The following LIPK variants were observed in gnomAD, a reference collection of about 807,000 sequenced individuals.
LIPK encodes lipase member K.
A neutral mutation model predicts 48.6 loss-of-function variants in LIPK; 32 were observed. The observed-to-expected ratio is 0.66, with a 90% CI of 0.50 to 0.88. LIPK has a LOEUF of 0.88. LIPK is among the 40% of genes least tolerant of loss of function. The pLI is 0.00. For missense variants in LIPK, 507 were observed against 478.5 expected (o/e 1.06, Z -0.56); for synonymous variants, 164 against 157.4 (o/e 1.04, Z -0.32).
intron 1 of LIPK, among the ~76,000 whole-genome samples, chr10:88,709,108 G>T (rs1338230766): frequency 6.6e-6 from 1 of 152,000 alleles, no homozygotes; most frequent in African/African-American, 2.4e-5. Flanking sequence ...TTTAAATTCT[G>T]CATCCATTGA....
At chr10:88,728,358 T>C (rs416957) in intron 3 of LIPK, 146,683 of 192,720 alleles carry the variant, frequency 0.76, 56,953 homozygotes, top group East Asian at 1. Flanking sequence ...GAGTATGAGG[T>C]GCTGCAGGCC....
At chr10:88,713,707 G>A (rs886362147) in intron 1 of LIPK, among the ~76,000 whole-genome samples, 5 of 152,056 alleles carry the variant, frequency 3.3e-5, no homozygotes, top group African/African-American at 7.2e-5. Flanking sequence ...TTGGGAGGCC[G>A]AGGTGGGCGG....
chr10:88,747,769 G>A (rs1842790619), intron 9 of LIPK, among the ~76,000 whole-genome samples: 1 of 152,166 alleles, frequency 6.6e-6, no homozygotes, highest in Admixed American at 6.5e-5. Flanking sequence ...AGATGCTGGC[G>A]AGGCTGTGGA....
chr10:88,726,823 C>A lies in LIPK; in HGVS notation c.134C>A (p.Pro45His). 6.3e-7 allele frequency: 1 copy of A among 1,599,134 alleles called. No homozygotes were observed. Among genetic ancestry groups the A allele is most frequent in the Non-Finnish European group, 8.6e-7 (1 of 1,167,886 alleles). The change falls in exon 3 of 10, where the codon CCT (proline) becomes CAT (histidine). Residue 45 changes from proline to histidine, a missense_variant. Pro to His is a moderately conservative substitution (Grantham distance 77). Transcript: ENST00000404190. ...CAGATTATTTCTTACTGGGGTTATC[C>A]TTATGAAGAGTATGATGTTACAACA... ...ISQIISYWGY[P>H]YEEYDVTTKD...
rs1375816751 is a variant in LIPK at position 88,740,012 on chromosome 10, A to G, written c.833A>G (p.Tyr278Cys). ...QNLNMSRLDV[Y>C]LSHNPAGTSV... ...TCTTTGCAGAGTCGCTTGGATGTTT[A>G]TTTGTCACACAATCCTGCGGGAACA... The change falls in exon 8 of 10, where the codon TAT (tyrosine) becomes TGT (cysteine). Residue 278 changes from tyrosine to cysteine, a missense_variant. By Grantham distance (194) the Tyr-to-Cys change is radical. Transcript: ENST00000404190. 1 of 1,562,296 alleles carries G rather than the reference A, an allele frequency of 6.4e-7. No individual in the cohort carries two copies. The highest frequency in any genetic ancestry group is 1.4e-5 in the African/African-American group (1 of 73,344).
intron 9 of LIPK, among the ~76,000 whole-genome samples, chr10:88,746,589 T>C (rs1475188911): frequency 6.6e-6 from 1 of 152,192 alleles, no homozygotes; most frequent in South Asian, 2.1e-4. Flanking sequence ...AGATACAATA[T>C]ACCAGAATCT....
At position 88,745,633 on chromosome 10, in the gene LIPK, C is replaced by G. The variant is rs77467342; in HGVS notation, c.960+2312C>G. ...CTTCCAAGAGGTCCTTAATGGAATG[C>G]TAAACATGGAAATAAAGACTGGTAC... On this transcript the variant is annotated intron_variant, in intron 9 of 9. Coordinates refer to ENST00000404190, the MANE Select transcript of LIPK (RefSeq NM_001080518.2). Among the ~76,000 whole-genome samples, 762 of 152,194 alleles carry G rather than the reference C, an allele frequency of 5.0e-3. 30 individuals are homozygous for G. The South Asian group carries it at 0.099, about 20-fold the overall frequency.
intron 1 of LIPK, among the ~76,000 whole-genome samples, chr10:88,715,869 C>T (rs930889684): frequency 2.6e-5 from 4 of 151,694 alleles, no homozygotes; most frequent in African/African-American, 7.3e-5. Context: ...AGCATTCTGT[C>T]ATGATTCCTC....
At chr10:88,739,948 G>A in intron 7 of LIPK, 48 bp from the exon 8 acceptor site, 2 of 1,125,568 alleles carry the variant, frequency 1.8e-6, no homozygotes, top group African/African-American at 1.5e-5. Flanking sequence ...GTTTACTTGT[G>A]GTATGATGAT....
rs1182174095 is a variant in LIPK, at chr10:88,745,203, A to G, written c.960+1882A>G. 3.9e-5 allele frequency among the ~76,000 whole-genome samples: 6 copies of G among 152,228 alleles called. No homozygotes were observed. In the East Asian group the frequency reaches 7.7e-4, roughly 20 times the overall value. On this transcript the variant is annotated intron_variant, in intron 9 of 9. Coordinates refer to ENST00000404190, the MANE Select transcript of LIPK (RefSeq NM_001080518.2). The stretch of plus-strand genomic sequence containing the variant: ...AGAGAGAGGAAGTAACTTGGAAAAC[A>G]TATTTGATGATATTGTCTATGAAAA...
Position 88,752,700 on chromosome 10 carries a change from C to A in LIPK, c.1144C>A (p.Pro382Thr), listed in dbSNP as rs1054559567. 10 of 1,572,806 alleles carry A rather than the reference C, an allele frequency of 6.4e-6. No individual in the cohort carries two copies. In the African/African-American group the frequency reaches 6.7e-5, roughly 11 times the overall value. ...HVDFYLGEDA[P>T]QEIYQDLIIL... ...GGATTTTTACCTTGGAGAGGATGCA[C>A]CTCAGGAAATTTACCAAGACCTAAT... The change falls in exon 10 of 10, where the codon CCT (proline) becomes ACT (threonine). Residue 382 changes from proline to threonine, a missense_variant. Pro to Thr is a conservative substitution (Grantham distance 38). Coordinates refer to ENST00000404190, the MANE Select transcript of LIPK (RefSeq NM_001080518.2).
At chr10:88,751,640 A>T (rs1413913301) in intron 9 of LIPK, among the ~76,000 whole-genome samples, 1 of 152,180 alleles carries the variant, frequency 6.6e-6, no homozygotes, top group Non-Finnish European at 1.5e-5. Flanking sequence ...TTTTCTCCCC[A>T]GCTGCTATAG....
intron 9 of LIPK, among the ~76,000 whole-genome samples, chr10:88,750,934 CAT>C (rs777503294): frequency 7.2e-5 from 11 of 152,014 alleles, no homozygotes; most frequent in Non-Finnish European, 1.5e-4. Context: ...AAACAAAAAA[CAT>C]GTTTGTTTTT....
chr10:88,727,271 G>A (rs754659309), intron 3 of LIPK, among the ~76,000 whole-genome samples: 37 of 152,020 alleles, frequency 2.4e-4, no homozygotes, highest in South Asian at 6.2e-4. Context: ...ACCTATCATC[G>A]CCATCTATCA....
At chr10:88,713,280 A>T (rs1418643353) in intron 1 of LIPK, among the ~76,000 whole-genome samples, 2 of 152,218 alleles carry the variant, frequency 1.3e-5, no homozygotes, top group Non-Finnish European at 2.9e-5. Flanking sequence ...TTGTAACTTA[A>T]TTCTTATAAA....
At chr10:88,746,427 C>T (rs1393941562) in intron 9 of LIPK, among the ~76,000 whole-genome samples, 3 of 152,048 alleles carry the variant, frequency 2.0e-5, no homozygotes, top group Non-Finnish European at 2.9e-5. Flanking sequence ...ATACTATGTA[C>T]ACTCATGAAT....
chr10:88,711,519 C>T (rs1473235696), intron 1 of LIPK, among the ~76,000 whole-genome samples: 1 of 152,188 alleles, frequency 6.6e-6, no homozygotes, highest in Non-Finnish European at 1.5e-5. Context: ...ATCACCCAGG[C>T]TGGAGTGCAG....
At chr10:88,746,401 A>T (rs1236277192) in intron 9 of LIPK, among the ~76,000 whole-genome samples, 4 of 88,226 alleles carry the variant, frequency 4.5e-5, no homozygotes, top group African/African-American at 1.3e-4. Flanking sequence ...CAACAAATTA[A>T]AAAAAAACTG....
Position 88,724,580 on chromosome 10 carries a change from C to T in LIPK, c.37C>T (p.Leu13Phe). The T allele has an allele frequency of 6.2e-7, 1 of 1,609,954 alleles. No homozygotes were observed. The highest frequency in any genetic ancestry group is 8.5e-7 in the Non-Finnish European group (1 of 1,178,506). The change falls in exon 2 of 10, where the codon CTT (leucine) becomes TTT (phenylalanine). Residue 13 changes from leucine (L) to phenylalanine (F), a missense_variant. Leu to Phe is a conservative substitution (Grantham distance 22). Coordinates refer to ENST00000404190, the MANE Select transcript of LIPK (RefSeq NM_001080518.2). The stretch of plus-strand genomic sequence containing the variant: ...TTTAGCAGCAGCATGCTGGATGCTT[C>T]TTCTTGGATCTATGTATGGTTATGA... ...QLLAAACWML[L>F]LGSMYGYDKK...
Sources: allele counts gnomAD v4.1 joint callset (sites outside exome capture counted in the v4.1 genomes callset), GRCh38; gene constraint gnomAD v4.1.1; transcripts MANE v1.5; gene names NCBI Gene and HGNC (gene_info 2026-07-23, HGNC 2026-07-21).